ABCC12: variants seen among roughly 807,000 people sequenced by gnomAD.
ABCC12 encodes the protein ATP binding cassette subfamily C member 12.
Under a neutral mutation model 151.1 loss-of-function variants are expected in ABCC12, and 142 were observed. The ratio of observed to expected loss-of-function variants is 0.94; its 90% CI spans 0.82 to 1.08. The LOEUF (loss-of-function observed/expected upper bound fraction) is 1.08. Ranked by LOEUF, ABCC12 falls within the 50% of genes least tolerant of loss-of-function variation. The probability of loss-of-function intolerance (pLI) is 0.00; values close to 1 mark genes in which losing one functional copy is unlikely to be tolerated. For synonymous variants in ABCC12, 645 were observed against 646.4 expected, an observed-to-expected ratio of 1.00 and a Z score of 0.03; for missense variants, 1,638 against 1,691.1, an observed-to-expected ratio of 0.97 and a Z score of 0.55.
At chr16:48,117,409 G>T (rs1393629245) in intron 13 of ABCC12, 76 bp from the exon 14 acceptor site, 4 of 1,518,458 alleles carry the variant, frequency 2.6e-6, no homozygotes, top group Admixed American at 3.7e-5. Flanking sequence ...TTCCACAGGC[G>T]CTGCTGGTGT....
At chr16:48,125,905 GA>G (rs1964223027) in intron 11 of ABCC12, among the ~76,000 whole-genome samples, 1 of 152,138 alleles carries the variant, frequency 6.6e-6, no homozygotes, top group Non-Finnish European at 1.5e-5. Context: ...AGCCCACATG[GA>G]TGTAAATTTG....
intron 13 of ABCC12, among the ~76,000 whole-genome samples, chr16:48,120,795 C>A (rs896138057): frequency 6.6e-6 from 1 of 152,156 alleles, no homozygotes; most frequent in Non-Finnish European, 1.5e-5. Context: ...ACCTCATGAT[C>A]CACCTGCCTC....
intron 2 of ABCC12, among the ~76,000 whole-genome samples, chr16:48,149,244 C>CAAAAAAAAAAAAAAAAAAA (rs1175912271): frequency 1.5e-5 from 1 of 65,050 alleles, no homozygotes; most frequent in African/African-American, 5.0e-5. Context: ...GTAGATTAAC[C>CAAAAAAAAAAAAAAAAAAA]AAAAAAAAAA....
chr16:48,122,695 A>G (rs763666767), intron 12 of ABCC12, among the ~76,000 whole-genome samples: 10 of 152,204 alleles, frequency 6.6e-5, no homozygotes, highest in Non-Finnish European at 2.9e-5. Flanking sequence ...GAGTTGTGCA[A>G]TGGACAGAGA....
At chr16:48,098,532 CT>C (rs929070529) in intron 23 of ABCC12, among the ~76,000 whole-genome samples, 2 of 152,144 alleles carry the variant, frequency 1.3e-5, no homozygotes, top group African/African-American at 4.8e-5. Context: ...TTCCCCAGAG[CT>C]TAGTCAAAAT....
Position 48,139,267 on chromosome 16 carries a change from TG to T in ABCC12, c.726del (p.Thr243ProfsTer5), listed in dbSNP as rs1347421882. 4.3e-6 allele frequency: 7 copies of T among 1,613,972 alleles called. No homozygotes were observed. The African/African-American group carries it at 9.3e-5, about 22-fold the overall frequency. On this transcript the variant is annotated frameshift_variant, in exon 7 of 31. Coordinates refer to ENST00000311303, the MANE Select transcript of ABCC12 (RefSeq NM_001393797.1). LOFTEE classifies it high-confidence loss of function. ...FEAALFCPLP[A>X]TIPILMVFCA... The stretch of plus-strand genomic sequence containing the variant: ...CAAAAGACCATTAGGATCGGGATGG[TG>T]GCTGGCAAAGGACAAAACAAGGCAG...
intron 24 of ABCC12, 76 bp from the exon 25 acceptor site, chr16:48,091,285 A>G: frequency 7.6e-7 from 1 of 1,319,312 alleles, no homozygotes; most frequent in South Asian, 1.2e-5. Flanking sequence ...TTCAGGAGGC[A>G]GTCCTAGTGA....
intron 9 of ABCC12, among the ~76,000 whole-genome samples, chr16:48,133,343 G>A (rs913231990): frequency 3.9e-5 from 6 of 151,994 alleles, no homozygotes; most frequent in Non-Finnish European, 7.4e-5. Flanking sequence ...CCAACATGGT[G>A]AAACCCCGGT....
chr16:48,146,706 G>T, intron 2 of ABCC12: 1 of 306,602 alleles, frequency 3.3e-6, no homozygotes, highest in Non-Finnish European at 6.0e-6. Context: ...TCTCATGTTG[G>T]GTTGGCCAAG....
At position 48,117,314 on chromosome 16, in the gene ABCC12, C is replaced by T. The variant is rs370615363; in HGVS notation, c.1732G>A (p.Val578Ile). The T allele has an allele frequency of 8.6e-5, 139 of 1,613,750 alleles. No homozygotes were observed. The highest frequency in any genetic ancestry group is 1.0e-4 in the Non-Finnish European group (120 of 1,179,952). ...DHQRYQHTVR[V>I]CGLQKDLSNL... The stretch of plus-strand genomic sequence containing the variant: ...CTCAGGTCCTTCTGGAGGCCACAGA[C>T]GCGGACTGTGTGCTGATACCTGTTG... The change falls in exon 14 of 31, where the codon GTC (valine) becomes ATC (isoleucine). Residue 578 changes from valine (V) to isoleucine (I), a missense_variant. Physicochemically the swap from Val to Ile is conservative, Grantham distance 29. Coordinates refer to ENST00000311303, the MANE Select transcript of ABCC12 (RefSeq NM_001393797.1).
chr16:48,129,837 C>T (rs1307430197), intron 10 of ABCC12, among the ~76,000 whole-genome samples: 1 of 152,096 alleles, frequency 6.6e-6, no homozygotes, highest in East Asian at 1.9e-4. Context: ...CTAAGGAGCA[C>T]CTTTACTTTT....
chr16:48,111,546 G>A, intron 17 of ABCC12, 32 bp downstream of exon 17: 1 of 1,613,880 alleles, frequency 6.2e-7, no homozygotes, highest in South Asian at 1.1e-5. Context: ...GTCCATTCAA[G>A]CCAAGGACAA....
At chr16:48,090,309 C>T (rs1028061814) in intron 25 of ABCC12, among the ~76,000 whole-genome samples, 1 of 152,030 alleles carries the variant, frequency 6.6e-6, no homozygotes, top group Non-Finnish European at 1.5e-5. Flanking sequence ...CTTACTGCAG[C>T]CTCAAACTCC....
At chr16:48,121,666 G>C (rs760764763) in intron 13 of ABCC12, 50 bp downstream of exon 13, 4 of 1,608,738 alleles carry the variant, frequency 2.5e-6, no homozygotes, top group Admixed American at 1.7e-5. Context: ...ATCTGTAGGA[G>C]AGTGTGTACC....
In ABCC12 at chr16:48,130,830, G is replaced by C. The variant is rs1350816476; in HGVS notation, c.1194C>G (p.Ile398Met). The change falls in exon 10 of 31, where the codon ATC becomes ATG. Residue 398 changes from isoleucine to methionine, a missense_variant. Physicochemically the swap from Ile to Met is conservative, Grantham distance 10. Coordinates refer to ENST00000311303, the MANE Select transcript of ABCC12 (RefSeq NM_001393797.1). ...KFSIAILPFSIKAMAEANVSL... is the reference protein window; with the variant it reads ...KFSIAILPFSMKAMAEANVSL... ...AGACATTCGCTTCAGCCATTGCTTT[G>C]ATGGAGAAGGGCAAGATTGCAATGG... is the stretch of plus-strand genomic sequence containing the variant. 5 of 1,613,656 alleles carry C rather than the reference G, an allele frequency of 3.1e-6. No homozygotes were observed. The highest frequency in any genetic ancestry group is 3.4e-6 in the Non-Finnish European group (4 of 1,179,748).
In ABCC12 at chr16:48,130,807, A is replaced by G; in HGVS notation, c.1217T>C (p.Val406Ala). The G allele has an allele frequency of 6.2e-7, 1 of 1,612,278 alleles. No individual in the cohort carries two copies. Among genetic ancestry groups the G allele is most frequent in the Non-Finnish European group, 8.5e-7 (1 of 1,178,310 alleles). ...TTATACCTTCATTCTCCTTAGAGAG[A>G]CATTCGCTTCAGCCATTGCTTTGAT... ...FSIKAMAEAN[V>A]SLRRMKKILI... The change falls in exon 10 of 31, where the codon GTC becomes GCC. Residue 406 changes from valine (V) to alanine (A), a missense_variant. By Grantham distance (64) the Val-to-Ala change is moderately conservative. Transcript: ENST00000311303.
At chr16:48,118,352 T>A (rs1179548026) in intron 13 of ABCC12, among the ~76,000 whole-genome samples, 1 of 152,130 alleles carries the variant, frequency 6.6e-6, no homozygotes, top group Non-Finnish European at 1.5e-5. Flanking sequence ...TCCCCAGGCA[T>A]CACAGAGCCC....
chr16:48,096,713 C>G, intron 24 of ABCC12, 33 bp downstream of exon 24: 3 of 1,612,388 alleles, frequency 1.9e-6, no homozygotes, highest in Non-Finnish European at 2.5e-6. Flanking sequence ...GCCGGAGCCT[C>G]CAGACTAAGC....
intron 29 of ABCC12, 26 bp downstream of exon 29, chr16:48,085,567 C>T (rs1159597868): frequency 6.2e-7 from 1 of 1,603,682 alleles, no homozygotes. Flanking sequence ...CAAAATTTGA[C>T]CAATCCATTT....
Sources: allele counts gnomAD v4.1 joint callset (sites outside exome capture counted in the v4.1 genomes callset), GRCh38; gene constraint gnomAD v4.1.1; transcripts MANE v1.5; gene names NCBI Gene and HGNC (gene_info 2026-07-23, HGNC 2026-07-21).